The following ZNF618 variants were observed in gnomAD, a reference collection of about 807,000 sequenced individuals.
The protein encoded by ZNF618 is zinc finger protein 618.
A neutral mutation model predicts 103.0 loss-of-function variants in ZNF618; 34 were observed. The ratio of observed to expected loss-of-function variants is 0.33; its 90% CI spans 0.25 to 0.44. The LOEUF (loss-of-function observed/expected upper bound fraction) is 0.44. ZNF618 is among the 20% of genes least tolerant of loss of function. ZNF618 has a pLI of 1.00. For missense variants in ZNF618, 1,059 were observed against 1,295.4 expected, an observed-to-expected ratio of 0.82 and a Z score of 2.80; for synonymous variants, 551 against 542.2, an observed-to-expected ratio of 1.02 and a Z score of -0.23.
At chr9:114,040,888 T>C (rs1275212045) in intron 13 of ZNF618, among the ~76,000 whole-genome samples, 36 of 146,286 alleles carry the variant, frequency 2.5e-4, no homozygotes, top group South Asian at 1.6e-3. Flanking sequence ...TAGTTCTAGA[T>C]CCTTGAGGAA....
intron 1 of ZNF618, among the ~76,000 whole-genome samples, chr9:113,892,773 A>G (rs940509631): frequency 7.2e-5 from 11 of 152,236 alleles, no homozygotes; most frequent in Non-Finnish European, 1.2e-4. Flanking sequence ...TTTGGTTTAA[A>G]GGAGGGACAT....
chr9:113,898,808 T>C (rs1830266237), intron 1 of ZNF618, among the ~76,000 whole-genome samples: 1 of 152,214 alleles, frequency 6.6e-6, no homozygotes, highest in African/African-American at 2.4e-5. Context: ...TGTAGTTACC[T>C]CAATATGTGG....
chr9:114,026,256 C>T (rs1278047991), intron 10 of ZNF618, among the ~76,000 whole-genome samples: 1 of 152,228 alleles, frequency 6.6e-6, no homozygotes, highest in Non-Finnish European at 1.5e-5. Context: ...AGGCAAGGAG[C>T]TCAATGGCCT....
chr9:113,969,156 A>G lies in ZNF618; in HGVS notation c.73A>G (p.Ser25Gly). 1 of 1,613,962 alleles carries G rather than the reference A, an allele frequency of 6.2e-7. No individual in the cohort carries two copies. Among genetic ancestry groups the G allele is most frequent in the Non-Finnish European group, 8.5e-7 (1 of 1,179,886 alleles). The change falls in exon 2 of 15, where the codon AGC (serine) becomes GGC (glycine). Residue 25 changes from serine (S) to glycine (G), a missense_variant. Coordinates refer to ENST00000374126, the MANE Select transcript of ZNF618 (RefSeq NM_001318042.2). Reference sequence around the variant, plus strand: ...TGCAGCCGGAAGGAAAAGCACTGCGAGCAGGTACACTCCCTCTCCCGCCCC... The same window carrying G: ...TGCAGCCGGAAGGAAAAGCACTGCGGGCAGGTACACTCCCTCTCCCGCCCC... ...ASAAGRKSTASRERLKRSQKS... is the reference protein window; with the variant it reads ...ASAAGRKSTAGRERLKRSQKS...
At chr9:113,916,834 T>G (rs372861671) in intron 1 of ZNF618, among the ~76,000 whole-genome samples, 10 of 152,178 alleles carry the variant, frequency 6.6e-5, no homozygotes, top group African/African-American at 2.4e-4. Context: ...GACAAACTGG[T>G]TATTGGGCTT....
At chr9:113,904,109 TTC>T (rs1275196507) in intron 1 of ZNF618, among the ~76,000 whole-genome samples, 1 of 151,870 alleles carries the variant, frequency 6.6e-6, no homozygotes, top group Non-Finnish European at 1.5e-5. Context: ...TCTTTTATTT[TTC>T]TGTTTCATTG....
intron 9 of ZNF618, among the ~76,000 whole-genome samples, chr9:114,011,071 A>G (rs1261537923): frequency 6.6e-6 from 1 of 150,620 alleles, no homozygotes; most frequent in Non-Finnish European, 1.5e-5. Flanking sequence ...TTACTGAGAA[A>G]GAGTCAAGGG....
chr9:113,921,961 A>G (rs541138594), intron 1 of ZNF618, among the ~76,000 whole-genome samples: 2 of 152,224 alleles, frequency 1.3e-5, no homozygotes, highest in East Asian at 1.9e-4. Flanking sequence ...GGAAGTTCCA[A>G]TGAGCAAAAA....
At chr9:113,997,202 G>GAA (rs1213512676) in intron 3 of ZNF618, among the ~76,000 whole-genome samples, 5 of 151,604 alleles carry the variant, frequency 3.3e-5, no homozygotes, top group African/African-American at 1.2e-4. Context: ...CGACCTCCAG[G>GAA]GCTCAAGTGT....
chr9:114,055,875 G>A lies in ZNF618; in HGVS notation c.*5708G>A, dbSNP rs1846453454. The A allele has an allele frequency of 6.6e-6, 1 of 151,836 alleles. No homozygotes were observed. Among genetic ancestry groups the A allele is most frequent in the Non-Finnish European group, 1.5e-5 (1 of 67,908 alleles). The allele number at this position is 151,836 out of a possible 1,614,324, so 9.4% of individuals were successfully genotyped here. On this transcript the variant is annotated 3_prime_UTR_variant, in exon 15 of 15. Transcript: ENST00000374126. Reference sequence around the variant, plus strand: ...GGTAGCATTAATTTATACTTTTGTAGCAACACAATATTTTTATAAACAGCC... The same window carrying A: ...GGTAGCATTAATTTATACTTTTGTAACAACACAATATTTTTATAAACAGCC...
chr9:113,963,310 T>C (rs1343928376), intron 1 of ZNF618, among the ~76,000 whole-genome samples: 1 of 152,218 alleles, frequency 6.6e-6, no homozygotes, highest in Non-Finnish European at 1.5e-5. Flanking sequence ...TAAAACAATG[T>C]TGATGTTTGT....
chr9:114,011,564 G>A (rs1488048425), intron 9 of ZNF618, among the ~76,000 whole-genome samples: 3 of 152,198 alleles, frequency 2.0e-5, no homozygotes, highest in South Asian at 2.1e-4. Context: ...AGACAAAAAC[G>A]TTGCTTCTTC....
At chr9:113,909,099 G>A (rs903176454) in intron 1 of ZNF618, among the ~76,000 whole-genome samples, 6 of 151,876 alleles carry the variant, frequency 4.0e-5, no homozygotes, top group Non-Finnish European at 7.4e-5. Flanking sequence ...TCTGCCCCTC[G>A]GCTGCTGTGG....
intron 2 of ZNF618, among the ~76,000 whole-genome samples, chr9:113,973,741 G>A (rs538649786): frequency 1.3e-5 from 2 of 152,348 alleles, no homozygotes; most frequent in South Asian, 4.1e-4. Flanking sequence ...TGCAGTTACA[G>A]ACTTGGTGTA....
chr9:113,879,635 G>A (rs1309221975), intron 1 of ZNF618, among the ~76,000 whole-genome samples: 1 of 151,790 alleles, frequency 6.6e-6, no homozygotes. Context: ...CCACATTCTC[G>A]TAGATTATTG....
At chr9:113,949,198 A>G (rs561915855) in intron 1 of ZNF618, among the ~76,000 whole-genome samples, 79 of 152,350 alleles carry the variant, frequency 5.2e-4, no homozygotes, top group African/African-American at 1.9e-3. Context: ...CATCTTCCAC[A>G]TGGAGGTGGC....
chr9:113,904,161 T>G (rs1165578443), intron 1 of ZNF618, among the ~76,000 whole-genome samples: 1 of 151,136 alleles, frequency 6.6e-6, no homozygotes, highest in African/African-American at 2.4e-5. Context: ...CAATCTTTTC[T>G]TCTTTAATAT....
intron 13 of ZNF618, among the ~76,000 whole-genome samples, chr9:114,038,090 A>T (rs1466593109): frequency 6.6e-6 from 1 of 152,178 alleles, no homozygotes; most frequent in Admixed American, 6.5e-5. Context: ...CCCCATGGGG[A>T]AGCAGGATCC....
Position 113,951,433 on chromosome 9 carries a change from A to G in ZNF618, c.34-17684A>G, listed in dbSNP as rs866332098. Among the ~76,000 whole-genome samples, 48 of 66,954 alleles carry G rather than the reference A, an allele frequency of 7.2e-4. 7 individuals carry two copies. The highest frequency in any genetic ancestry group is 3.6e-3 in the East Asian group (6 of 1,672). The allele number at this position is 66,954 out of a possible 152,430, so 43.9% of individuals were successfully genotyped here. On this transcript the variant is annotated intron_variant, in intron 1 of 14. Coordinates refer to ENST00000374126, the MANE Select transcript of ZNF618 (RefSeq NM_001318042.2). ...TATACACACATATATGTGTGTGTGTATATATATACATATATGTGTATATAT... is the reference window on the plus strand; with the variant it reads ...TATACACACATATATGTGTGTGTGTGTATATATACATATATGTGTATATAT...
Sources: gnomAD v4.1 joint callset for allele counts (sites outside exome capture counted in the v4.1 genomes callset) on GRCh38, gnomAD v4.1.1 for gene constraint, MANE v1.5 for transcripts, NCBI Gene and HGNC (gene_info 2026-07-23, HGNC 2026-07-21) for gene names.